The following AFF3 variants were observed in gnomAD, a reference collection of about 807,000 sequenced individuals.
AFF3 encodes AF4/FMR2 family member 3.
A neutral mutation model predicts 129.7 loss-of-function variants in AFF3; 32 were observed. The observed-to-expected ratio is 0.25, with a 90% CI of 0.19 to 0.33. AFF3 has a LOEUF of 0.33. AFF3 is among the 10% of genes least tolerant of loss of function. The pLI is 1.00. For synonymous variants in AFF3, 644 were observed against 635.4 expected, an observed-to-expected ratio of 1.01 and a Z score of -0.20; for missense variants, 1,373 against 1,592.0, an observed-to-expected ratio of 0.86 and a Z score of 2.34.
At chr2:99,720,725 G>A (rs971793811) in intron 11 of AFF3, among the ~76,000 whole-genome samples, 5 of 151,790 alleles carry the variant, frequency 3.3e-5, no homozygotes, top group East Asian at 1.9e-4. Flanking sequence ...TTTCTTTCCC[G>A]CCATCTTTTA....
At chr2:99,589,397 A>ATTTTTTTTTTTTTTTTTTTTTTTTTT (rs55888825) in intron 15 of AFF3, among the ~76,000 whole-genome samples, 1 of 103,384 alleles carries the variant, frequency 9.7e-6, no homozygotes, top group Admixed American at 1.3e-4. Flanking sequence ...AGATGTCAAC[A>ATTTTTTTTTTTTTTTTTTTTTTTTTT]TTTTTTTTTT....
intron 7 of AFF3, among the ~76,000 whole-genome samples, chr2:99,914,043 G>A (rs1363929422): frequency 1.3e-5 from 2 of 152,162 alleles, no homozygotes; most frequent in Non-Finnish European, 2.9e-5. Context: ...AATGCTAAAA[G>A]TAATGTCTGA....
chr2:99,569,433 G>C (rs1473259693), intron 18 of AFF3, among the ~76,000 whole-genome samples: 1 of 152,046 alleles, frequency 6.6e-6, no homozygotes, highest in Admixed American at 6.6e-5. Context: ...AATAAAAAGA[G>C]GTAATGTTGG....
At chr2:100,140,663 T>C (rs1692825835) in intron 1 of AFF3, among the ~76,000 whole-genome samples, 1 of 152,210 alleles carries the variant, frequency 6.6e-6, no homozygotes. Context: ...TATACTATCA[T>C]TTGGATGTCA....
rs1478126809 is a variant in AFF3, at chr2:99,593,650, A to G, written c.2011T>C (p.Ser671Pro). ...GAGTCCGAGGAGGAGGATGAAGATG[A>G]CGACTCTGTCTCAATGAACTCCTTG... is the stretch of plus-strand genomic sequence containing the variant. ...KSKEFIETES[S>P]SSSSSSDSDL... is the part of the protein sequence containing the mutation. Residue 671 changes from serine (S) to proline (P), a missense_variant, in exon 15 of 25, where the codon TCA (serine) becomes CCA (proline). This residue lies in a region of AFF3 where 466 missense variants were observed against 505.0 expected (regional missense o/e 0.92). Coordinates refer to ENST00000672756, the MANE Select transcript of AFF3 (RefSeq NM_001386135.1). The G allele has an allele frequency of 1.2e-6, 2 of 1,607,342 alleles. No homozygotes were observed. Among genetic ancestry groups the G allele is most frequent in the Non-Finnish European group, 8.5e-7 (1 of 1,175,834 alleles).
At chr2:100,021,192 C>G (rs535156021) in intron 4 of AFF3, among the ~76,000 whole-genome samples, 25 of 152,318 alleles carry the variant, frequency 1.6e-4, no homozygotes, top group Admixed American at 1.6e-3. Flanking sequence ...GATAATGGCA[C>G]TTCTTATGCT....
intron 11 of AFF3, among the ~76,000 whole-genome samples, chr2:99,721,306 G>A (rs967484963): frequency 3.3e-5 from 5 of 152,056 alleles, no homozygotes; most frequent in Admixed American, 6.6e-5. Context: ...CAAGGTGGGC[G>A]GATCATGAGA....
intron 18 of AFF3, among the ~76,000 whole-genome samples, chr2:99,571,672 T>G (rs1279078992): frequency 6.6e-6 from 1 of 152,232 alleles, no homozygotes. Flanking sequence ...AACTCTCATC[T>G]TTGCATAGAA....
intron 1 of AFF3, among the ~76,000 whole-genome samples, chr2:100,131,892 C>T (rs540376612): frequency 7.2e-5 from 11 of 152,172 alleles, no homozygotes; most frequent in Admixed American, 3.3e-4. Context: ...TCTGCCATCC[C>T]CTTTTACAGA....
intron 8 of AFF3, among the ~76,000 whole-genome samples, chr2:99,835,986 G>C (rs1184897952): frequency 6.6e-6 from 1 of 152,126 alleles, no homozygotes; most frequent in Non-Finnish European, 1.5e-5. Flanking sequence ...GTGACACTCA[G>C]TTTTATTCAA....
At chr2:100,058,669 T>C (rs944100403) in intron 4 of AFF3, among the ~76,000 whole-genome samples, 1 of 152,090 alleles carries the variant, frequency 6.6e-6, no homozygotes, top group Non-Finnish European at 1.5e-5. Flanking sequence ...CCTCGTACTA[T>C]AAACAAAAAT....
intron 8 of AFF3, 39 bp downstream of exon 8, chr2:99,837,438 T>A: frequency 6.3e-7 from 1 of 1,586,336 alleles, no homozygotes; most frequent in South Asian, 1.1e-5. Context: ...AGAGTCTATG[T>A]CCCACAGATT....
At chr2:99,699,540 T>C (rs1470684535) in intron 11 of AFF3, among the ~76,000 whole-genome samples, 2 of 152,236 alleles carry the variant, frequency 1.3e-5, no homozygotes, top group African/African-American at 4.8e-5. Context: ...AGTGAACTTC[T>C]AGGGATAACG....
intron 10 of AFF3, among the ~76,000 whole-genome samples, chr2:99,736,696 A>G (rs6742650): frequency 0.85 from 127,222 of 150,192 alleles, 53,946 homozygotes; most frequent in South Asian, 0.93. Context: ...TGCAACCTCC[A>G]CCTCCCAGGT....
chr2:100,070,427 T>C (rs922128994), intron 4 of AFF3, among the ~76,000 whole-genome samples: 3 of 152,234 alleles, frequency 2.0e-5, no homozygotes, highest in Admixed American at 2.0e-4. Flanking sequence ...AGCAGTCATG[T>C]TTATGCTCCA....
chr2:100,028,759 C>T (rs1684248868), intron 4 of AFF3, among the ~76,000 whole-genome samples: 1 of 152,036 alleles, frequency 6.6e-6, no homozygotes, highest in Admixed American at 6.6e-5. Flanking sequence ...CAGAAAATAA[C>T]AAGCATTGGT....
chr2:100,065,002 AG>A (rs1687602271), intron 4 of AFF3, among the ~76,000 whole-genome samples: 1 of 152,360 alleles, frequency 6.6e-6, no homozygotes, highest in African/African-American at 2.4e-5. Context: ...TTTACCATAA[AG>A]CTTTTCAATT....
intron 1 of AFF3, among the ~76,000 whole-genome samples, chr2:100,137,548 CACACACACACAG>C (rs776506058): frequency 8.3e-4 from 116 of 140,434 alleles, no homozygotes; most frequent in Non-Finnish European, 1.6e-3. Flanking sequence ...CACACACACA[CACACACACACAG>C]ACACACAGAG....
chr2:99,984,863 C>A (rs892754293), intron 7 of AFF3, among the ~76,000 whole-genome samples: 1 of 152,090 alleles, frequency 6.6e-6, no homozygotes, highest in Non-Finnish European at 1.5e-5. Context: ...ATAAAACCAC[C>A]CTGCTGTGTA....
Sources: gnomAD v4.1 joint callset for allele counts (sites outside exome capture counted in the v4.1 genomes callset) on GRCh38, gnomAD v4.1.1 for gene constraint, gnomAD v4.1.1 regional missense constraint, MANE v1.5 for transcripts, NCBI Gene and HGNC (gene_info 2026-07-23, HGNC 2026-07-21) for gene names.